Variants in UBE2E2 observed in about 807,000 individuals in gnomAD.
UBE2E2 encodes the protein ubiquitin conjugating enzyme E2 E2, also known as ubiquitin-conjugating enzyme E2 E2.
UBE2E2 carries 6 observed loss-of-function variants against 24.7 expected under a neutral mutation model. That is an observed-to-expected ratio of 0.24 (90% CI 0.13 to 0.48). UBE2E2 has a LOEUF of 0.48. Among genes scored for constraint, UBE2E2 ranks in the 20% least tolerant of loss-of-function variants. The pLI is 0.99. For missense variants in UBE2E2, 169 were observed against 245.0 expected, an observed-to-expected ratio of 0.69 and a Z score of 2.07; for synonymous variants, 104 against 83.6, an observed-to-expected ratio of 1.24 and a Z score of -1.33.
At chr3:23,518,141 T>G (rs1490914565) in intron 4 of UBE2E2, among the ~76,000 whole-genome samples, 2 of 152,054 alleles carry the variant, frequency 1.3e-5, no homozygotes, top group African/African-American at 4.8e-5. Flanking sequence ...GGGGAAAAGA[T>G]AAACCCAAAA....
chr3:23,571,403 C>A (rs1206934655), intron 5 of UBE2E2, among the ~76,000 whole-genome samples: 1 of 149,870 alleles, frequency 6.7e-6, no homozygotes, highest in Non-Finnish European at 1.5e-5. Flanking sequence ...GATTCTCCTG[C>A]CTCAGCCTCC....
chr3:23,366,082 A>G (rs768091180), intron 3 of UBE2E2, among the ~76,000 whole-genome samples: 1 of 152,116 alleles, frequency 6.6e-6, no homozygotes, highest in Non-Finnish European at 1.5e-5. Flanking sequence ...GAAACGAACC[A>G]TTAGAGAAAT....
intron 3 of UBE2E2, among the ~76,000 whole-genome samples, chr3:23,387,718 A>G (rs1223082610): frequency 6.6e-6 from 1 of 152,194 alleles, no homozygotes; most frequent in African/African-American, 2.4e-5. Flanking sequence ...GAAGTGCCTG[A>G]CAGGCCATTG....
chr3:23,477,839 G>T (rs1699172759), intron 3 of UBE2E2, among the ~76,000 whole-genome samples: 1 of 152,146 alleles, frequency 6.6e-6, no homozygotes, highest in African/African-American at 2.4e-5. Context: ...TGGATCATGG[G>T]GGCAGTTTCC....
At chr3:23,279,824 A>G (rs117572604) in intron 3 of UBE2E2, among the ~76,000 whole-genome samples, 160 of 152,378 alleles carry the variant, frequency 1.1e-3, no homozygotes, top group African/African-American at 3.6e-3. Flanking sequence ...CCTTATGGCA[A>G]TGAACAAACC....
intron 3 of UBE2E2, among the ~76,000 whole-genome samples, chr3:23,471,714 A>C (rs781015699): frequency 6.6e-6 from 1 of 152,242 alleles, no homozygotes; most frequent in Non-Finnish European, 1.5e-5. Flanking sequence ...TCACTGAAGG[A>C]AGCTACTTGA....
chr3:23,255,688 T>A (rs1362574298), intron 3 of UBE2E2, among the ~76,000 whole-genome samples: 3 of 152,194 alleles, frequency 2.0e-5, no homozygotes, highest in Non-Finnish European at 4.4e-5. Flanking sequence ...TCTGAACATT[T>A]TGCCTTTTAT....
intron 3 of UBE2E2, among the ~76,000 whole-genome samples, chr3:23,279,912 T>A (rs1298473838): frequency 6.6e-6 from 1 of 152,234 alleles, no homozygotes; most frequent in Non-Finnish European, 1.5e-5. Context: ...TCTGAGGGTC[T>A]CATCTTAGCC....
intron 3 of UBE2E2, among the ~76,000 whole-genome samples, chr3:23,447,695 A>G (rs1020286352): frequency 6.6e-6 from 1 of 152,218 alleles, no homozygotes; most frequent in Non-Finnish European, 1.5e-5. Context: ...CAAGTGTGAT[A>G]TATAGCAAAC....
At chr3:23,357,802 TC>T (rs1292172139) in intron 3 of UBE2E2, among the ~76,000 whole-genome samples, 2 of 152,078 alleles carry the variant, frequency 1.3e-5, no homozygotes, top group African/African-American at 4.8e-5. Flanking sequence ...AGGAAAAAAT[TC>T]TTCTGAAATT....
chr3:23,229,545 A>G (rs1313196638), intron 3 of UBE2E2, among the ~76,000 whole-genome samples: 1 of 152,212 alleles, frequency 6.6e-6, no homozygotes, highest in Admixed American at 6.5e-5. Flanking sequence ...AGATGGGAAG[A>G]CAGGCTTGGA....
intron 3 of UBE2E2, among the ~76,000 whole-genome samples, chr3:23,454,231 A>G (rs1298580580): frequency 6.6e-6 from 1 of 152,208 alleles, no homozygotes; most frequent in Non-Finnish European, 1.5e-5. Flanking sequence ...AAATTTTAAC[A>G]GTACTTAAAT....
intron 3 of UBE2E2, among the ~76,000 whole-genome samples, chr3:23,222,279 T>C (rs1696669879): frequency 1.3e-5 from 2 of 152,240 alleles, no homozygotes; most frequent in Non-Finnish European, 1.5e-5. Context: ...TTCCATATTT[T>C]AGCTATTGTG....
chr3:23,382,371 G>A, intron 3 of UBE2E2, among the ~76,000 whole-genome samples: 1 of 151,684 alleles, frequency 6.6e-6, no homozygotes, highest in South Asian at 2.1e-4. Flanking sequence ...TAGTACAGAG[G>A]GGGTTTTACC....
At chr3:23,310,434 T>C (rs758325075) in intron 3 of UBE2E2, among the ~76,000 whole-genome samples, 29 of 152,246 alleles carry the variant, frequency 1.9e-4, no homozygotes, top group East Asian at 1.2e-3. Flanking sequence ...TTCTTGTTCG[T>C]TATTGTTACA....
intron 3 of UBE2E2, among the ~76,000 whole-genome samples, chr3:23,281,576 T>C (rs1213196627): frequency 6.6e-6 from 1 of 152,206 alleles, no homozygotes; most frequent in East Asian, 1.9e-4. Context: ...AGTTGTAGGC[T>C]GCAGTGAGCT....
chr3:23,210,600 G>A (rs980605178), intron 2 of UBE2E2, among the ~76,000 whole-genome samples: 5 of 152,116 alleles, frequency 3.3e-5, no homozygotes, highest in East Asian at 1.9e-4. Context: ...TAGATTTCAC[G>A]AGGGAAAAAT....
chr3:23,521,377 T>A (rs1394525028), intron 4 of UBE2E2, among the ~76,000 whole-genome samples: 2 of 152,228 alleles, frequency 1.3e-5, no homozygotes, highest in Non-Finnish European at 2.9e-5. Context: ...ATTAACTATC[T>A]CAGCTGTTGT....
chr3:23,436,435 G>A (rs1271216311), intron 3 of UBE2E2, among the ~76,000 whole-genome samples: 3 of 152,060 alleles, frequency 2.0e-5, no homozygotes, highest in Non-Finnish European at 2.9e-5. Flanking sequence ...TTCAGAATTC[G>A]TACACTGTAG....
Sources: gnomAD v4.1 joint callset for allele counts (sites outside exome capture counted in the v4.1 genomes callset) on GRCh38, gnomAD v4.1.1 for gene constraint, MANE v1.5 for transcripts, NCBI Gene and HGNC (gene_info 2026-07-23, HGNC 2026-07-21) for gene names.